ITGA9: variants seen among roughly 807,000 people sequenced by gnomAD.
The protein encoded by ITGA9 is integrin subunit alpha 9, also known as integrin alpha-9.
ITGA9 carries 56 observed loss-of-function variants against 127.8 expected under a neutral mutation model. The ratio of observed to expected loss-of-function variants is 0.44; its 90% CI spans 0.35 to 0.55. The LOEUF is 0.55. Ranked by LOEUF, ITGA9 falls within the 20% of genes least tolerant of loss-of-function variation. The pLI is 0.00. For synonymous variants in ITGA9, 508 were observed against 514.5 expected, an observed-to-expected ratio of 0.99 and a Z score of 0.17; for missense variants, 1,196 against 1,347.1, an observed-to-expected ratio of 0.89 and a Z score of 1.76.
Position 37,526,385 on chromosome 3 carries a change from C to T in ITGA9, c.1373+314C>T, listed in dbSNP as rs532499332. On this transcript the variant is annotated intron_variant, in intron 13 of 27. Coordinates refer to ENST00000264741, the MANE Select transcript of ITGA9 (RefSeq NM_002207.3). ...TTAAGCCTAACTCTTAAGCTATTTG[C>T]TTTTGGCCAAGAACCTTCCATAATG... 2.0e-5 allele frequency among the ~76,000 whole-genome samples: 3 copies of T among 152,274 alleles called. No individual in the cohort carries two copies. The South Asian group carries it at 6.2e-4, about 32-fold the overall frequency.
chr3:37,750,634 T>G, intron 23 of ITGA9, 65 bp downstream of exon 23: 1 of 1,111,098 alleles, frequency 9.0e-7, no homozygotes. Context: ...AATTTTGTAT[T>G]CCACCCTACC....
chr3:37,779,957 T>C lies in ITGA9; in HGVS notation c.2723T>C (p.Leu908Pro). Residue 908 changes from leucine (L) to proline (P), a missense_variant, in exon 25 of 28, where the codon CTT becomes CCT. Transcript: ENST00000264741. ...ACAGCACACTGTAACTTTAGTGCTC[T>C]TGCTAAAGAAGAAAGTCGTACTATA... ...CLTAHCNFSA[L>P]AKEESRTIDI... The C allele has an allele frequency of 1.2e-6, 2 of 1,613,758 alleles. No individual in the cohort carries two copies. Among genetic ancestry groups the C allele is most frequent in the South Asian group, 2.2e-5 (2 of 91,080 alleles).
At chr3:37,650,706 C>T (rs1700421458) in intron 16 of ITGA9, among the ~76,000 whole-genome samples, 1 of 152,304 alleles carries the variant, frequency 6.6e-6, no homozygotes, top group Non-Finnish European at 1.5e-5. Context: ...GCTGGGATTA[C>T]AGGTGTGAGC....
intron 5 of ITGA9, among the ~76,000 whole-genome samples, chr3:37,496,466 A>G (rs197746): frequency 5.9e-5 from 9 of 152,042 alleles, no homozygotes; most frequent in Non-Finnish European, 1.0e-4. Context: ...ACCTCTAACA[A>G]TGACATCCAT....
At chr3:37,657,986 C>T (rs1700495168) in intron 17 of ITGA9, among the ~76,000 whole-genome samples, 1 of 152,124 alleles carries the variant, frequency 6.6e-6, no homozygotes, top group African/African-American at 2.4e-5. Flanking sequence ...GTTCAGTTTC[C>T]ATGTAGTTGT....
Position 37,607,416 on chromosome 3 carries a change from G to A in ITGA9, c.1690-21771G>A, listed in dbSNP as rs536460728. Among the ~76,000 whole-genome samples, 169 of 152,228 alleles carry A rather than the reference G, an allele frequency of 1.1e-3. 2 individuals carry two copies. The highest frequency in any genetic ancestry group is 1.7e-3 in the Non-Finnish European group (119 of 68,002). The stretch of plus-strand genomic sequence containing the variant: ...AACTTTTTTTCTATCTACAAGTGAG[G>A]AAAAAAATATTGACAGTGTGCCCAA... On this transcript the variant is annotated intron_variant, in intron 15 of 27. Transcript: ENST00000264741.
chr3:37,486,986 AT>A (rs1386273469), intron 4 of ITGA9, among the ~76,000 whole-genome samples: 22 of 152,174 alleles, frequency 1.4e-4, no homozygotes, highest in Admixed American at 1.4e-3. Flanking sequence ...AAAGGTGAAG[AT>A]TTTTTTCCCC....
chr3:37,501,551 T>G (rs960791119), intron 5 of ITGA9, among the ~76,000 whole-genome samples: 2 of 152,214 alleles, frequency 1.3e-5, no homozygotes, highest in Admixed American at 1.3e-4. Context: ...TTTCCATCAC[T>G]TTGGGAAGTT....
At chr3:37,620,648 C>T (rs993868035) in intron 15 of ITGA9, among the ~76,000 whole-genome samples, 14 of 152,294 alleles carry the variant, frequency 9.2e-5, no homozygotes, top group African/African-American at 2.4e-4. Flanking sequence ...TCAAAGTTGT[C>T]GCTTTGCCTG....
chr3:37,626,505 A>G (rs1700176982), intron 15 of ITGA9, among the ~76,000 whole-genome samples: 1 of 152,192 alleles, frequency 6.6e-6, no homozygotes, highest in Admixed American at 6.5e-5. Context: ...ACAAAATAAA[A>G]AATAAATAAA....
intron 1 of ITGA9, among the ~76,000 whole-genome samples, chr3:37,456,807 T>C (rs1488168982): frequency 6.6e-6 from 1 of 152,238 alleles, no homozygotes; most frequent in Admixed American, 6.5e-5. Context: ...AAGAACAAGC[T>C]AGATAGTTCT....
At chr3:37,488,147 T>A (rs1358428211) in intron 4 of ITGA9, among the ~76,000 whole-genome samples, 2 of 152,192 alleles carry the variant, frequency 1.3e-5, no homozygotes, top group South Asian at 2.1e-4. Flanking sequence ...GAGGTTTCCG[T>A]GTTGCCCAGG....
chr3:37,761,605 A>G (rs75422807), intron 23 of ITGA9, among the ~76,000 whole-genome samples: 1,839 of 152,362 alleles, frequency 0.012, 11 homozygotes, highest in Non-Finnish European at 0.02. Context: ...TCTAATCTTC[A>G]TAATAATTTC....
rs531946882 is a variant in ITGA9, at chr3:37,455,010, G to A, written c.185+2451G>A. ...AAGCCAAAGGATTCTTGCTTGCATA[G>A]GCCCCTATTAATGCCTTGTCCCCAA... is the stretch of plus-strand genomic sequence containing the variant. On this transcript the variant is annotated intron_variant, in intron 1 of 27. Transcript: ENST00000264741. 1.6e-3 allele frequency among the ~76,000 whole-genome samples: 238 copies of A among 152,208 alleles called. 1 individual carries two copies. The highest frequency in any genetic ancestry group is 5.4e-3 in the African/African-American group (226 of 41,524).
At chr3:37,701,780 A>C (rs10452011) in intron 18 of ITGA9, among the ~76,000 whole-genome samples, 7,505 of 152,170 alleles carry the variant, frequency 0.049, 208 homozygotes, top group African/African-American at 0.06. Flanking sequence ...CTTCTCAGTG[A>C]CTCAGCCACA....
chr3:37,764,466 T>A (rs368825687), intron 23 of ITGA9, among the ~76,000 whole-genome samples: 81 of 74,666 alleles, frequency 1.1e-3, no homozygotes, highest in Non-Finnish European at 1.2e-3. Flanking sequence ...AGATTCTCAG[T>A]AAAAAAAAAA....
intron 15 of ITGA9, among the ~76,000 whole-genome samples, chr3:37,605,485 G>A (rs1699959641): frequency 6.6e-6 from 1 of 152,188 alleles, no homozygotes; most frequent in African/African-American, 2.4e-5. Flanking sequence ...CCAGCAGACT[G>A]GAGCGAATTC....
intron 15 of ITGA9, among the ~76,000 whole-genome samples, chr3:37,624,456 C>G (rs939307669): frequency 6.6e-6 from 1 of 152,052 alleles, no homozygotes; most frequent in African/African-American, 2.4e-5. Context: ...TTCCACTAAA[C>G]CCATGTGGCA....
intron 15 of ITGA9, chr3:37,585,485 T>G (rs1284454480): frequency 1.1e-5 from 5 of 438,672 alleles, no homozygotes; most frequent in African/African-American, 2.1e-5. Context: ...TTCAAATAAA[T>G]AAGGTTTTAC....
Sources: gnomAD v4.1 joint callset for allele counts (sites outside exome capture counted in the v4.1 genomes callset) on GRCh38, gnomAD v4.1.1 for gene constraint, MANE v1.5 for transcripts, NCBI Gene and HGNC (gene_info 2026-07-23, HGNC 2026-07-21) for gene names.